Variants in NKIRAS1 observed in about 807,000 individuals in gnomAD.
The protein encoded by NKIRAS1 is NF-kappa-B inhibitor-interacting Ras-like protein 1.
A neutral mutation model predicts 19.8 loss-of-function variants in NKIRAS1; 16 were observed. The observed-to-expected ratio is 0.81, with a 90% confidence interval of 0.55 to 1.23. The LOEUF is 1.23. Ranked by LOEUF, NKIRAS1 falls within the 50% of genes most tolerant of loss-of-function variation. The pLI is 0.00. For missense variants in NKIRAS1, 184 were observed against 220.0 expected, an observed-to-expected ratio of 0.84 and a Z score of 1.04; for synonymous variants, 88 against 79.0, an observed-to-expected ratio of 1.11 and a Z score of -0.61.
In NKIRAS1 at chr3:23,892,964, C is replaced by G. The variant is rs1442591031; in HGVS notation, c.*131G>C. ...TTAACATCTAAAGTGCATTAATTGA[C>G]TTCCTTAGGAATTTTCCTAAGGACC... is the stretch of plus-strand genomic sequence containing the variant. On this transcript the variant is annotated 3_prime_UTR_variant, in exon 5 of 5. Transcript: ENST00000425478. 1 of 888,962 alleles carries G rather than the reference C, an allele frequency of 1.1e-6. No homozygotes were observed. The highest frequency in any genetic ancestry group is 1.7e-5 in the African/African-American group (1 of 58,306). The allele number at this position is 888,962 out of a possible 1,614,324, so 55.1% of individuals were successfully genotyped here.
In NKIRAS1 at chr3:23,897,472, T is replaced by C. The variant is rs556578558; in HGVS notation, c.336+3336A>G. 3.9e-5 allele frequency among the ~76,000 whole-genome samples: 6 copies of C among 152,258 alleles called. No individual in the cohort carries two copies. The South Asian group carries it at 8.3e-4, about 21-fold the overall frequency. Reference sequence around the variant, plus strand: ...AAAACCAAACATGAAAATAAATAAATGCAACTTAAGCCATATCATGTCATT... The same window carrying C: ...AAAACCAAACATGAAAATAAATAAACGCAACTTAAGCCATATCATGTCATT... On this transcript the variant is annotated intron_variant, in intron 4 of 4. Coordinates refer to ENST00000425478, the MANE Select transcript of NKIRAS1 (RefSeq NM_020345.4).
In NKIRAS1 at chr3:23,891,489, G is replaced by GA. The variant is rs1701463213; in HGVS notation, c.*1605dup. Among the ~76,000 whole-genome samples the GA allele has an allele frequency of 6.6e-6, 1 of 152,172 alleles. No individual in the cohort carries two copies. The highest frequency in any genetic ancestry group is 2.1e-4 in the South Asian group (1 of 4,828). On this transcript the variant is annotated 3_prime_UTR_variant, in exon 5 of 5. Transcript: ENST00000425478. ...ACACAGCTGTAGATGAGGTATCCTA[G>GA]AAAAGGTTAAATAATCTACCCCATT...
Position 23,894,038 on chromosome 3 carries a change from ATTG to A in NKIRAS1, c.337-704_337-702del, listed in dbSNP as rs374225969. ...GAGTTCTGTATCCATGAGAACAGGA[ATTG>A]TTGTGTTCACATTATTCACAATACT... On this transcript the variant is annotated intron_variant, in intron 4 of 4. Coordinates refer to ENST00000425478, the MANE Select transcript of NKIRAS1 (RefSeq NM_020345.4). Among the ~76,000 whole-genome samples the A allele has an allele frequency of 9.1e-4, 138 of 152,274 alleles. No individual in the cohort carries two copies. The Middle Eastern group carries it at 0.01, about 11-fold the overall frequency.
intron 1 of NKIRAS1, among the ~76,000 whole-genome samples, chr3:23,939,215 C>T (rs992072475): frequency 1.3e-5 from 2 of 152,138 alleles, no homozygotes; most frequent in East Asian, 1.9e-4. Context: ...GAGAAACTGA[C>T]TCTGGCTAAT....
intron 1 of NKIRAS1, among the ~76,000 whole-genome samples, chr3:23,940,153 G>C (rs962787025): frequency 1.8e-5 from 2 of 112,810 alleles, no homozygotes; most frequent in East Asian, 5.5e-4. Flanking sequence ...AACACAGGAA[G>C]ACTCCCATCT....
chr3:23,901,198 A>G, intron 3 of NKIRAS1, 149 bp from the exon 4 acceptor site: 1 of 756,728 alleles, frequency 1.3e-6, no homozygotes, highest in Non-Finnish European at 2.0e-6. Flanking sequence ...TTTTTTTTTG[A>G]AACAGGGTCC....
In NKIRAS1 at chr3:23,908,982, C is replaced by T. The variant is rs570090944; in HGVS notation, c.94+1829G>A. Among the ~76,000 whole-genome samples the T allele has an allele frequency of 3.3e-5, 5 of 152,068 alleles. No homozygotes were observed. The South Asian group carries it at 1.0e-3, about 32-fold the overall frequency. ...GTGCTGAGATTACCAAGCTGTGAGC[C>T]ATCACGCCTGGCCACGGTTTTAATT... On this transcript the variant is annotated intron_variant, in intron 3 of 4. Transcript: ENST00000425478.
At chr3:23,898,883 G>A (rs1702235842) in intron 4 of NKIRAS1, among the ~76,000 whole-genome samples, 1 of 152,192 alleles carries the variant, frequency 6.6e-6, no homozygotes, top group East Asian at 1.9e-4. Context: ...TCCGCCTCCT[G>A]TCACATCAGT....
intron 3 of NKIRAS1, among the ~76,000 whole-genome samples, chr3:23,905,795 CAAA>C (rs34872852): frequency 3.4e-5 from 4 of 117,702 alleles, no homozygotes; most frequent in Admixed American, 8.6e-5. Context: ...AAATGTGCTC[CAAA>C]AAAAAAAAAA....
chr3:23,909,475 C>T (rs142560985), intron 3 of NKIRAS1, among the ~76,000 whole-genome samples: 5 of 152,204 alleles, frequency 3.3e-5, no homozygotes, highest in East Asian at 3.9e-4. Context: ...TGCAGTGAGC[C>T]GAGATTGCAC....
At chr3:23,932,172 T>C (rs897665732) in intron 1 of NKIRAS1, among the ~76,000 whole-genome samples, 6 of 152,128 alleles carry the variant, frequency 3.9e-5, no homozygotes, top group Non-Finnish European at 8.8e-5. Context: ...TTGCCAGGGG[T>C]GTTTAGAGTC....
chr3:23,919,192 C>G (rs1358191044), upstream of NKIRAS1: 5 of 1,610,298 alleles, frequency 3.1e-6, no homozygotes, highest in East Asian at 8.9e-5. Context: ...TTTTCCTATT[C>G]TAGGAGCGAG....
In NKIRAS1 at chr3:23,890,866, G is replaced by C; in HGVS notation, c.*2229C>G. The C allele has an allele frequency of 3.3e-6, 1 of 303,092 alleles. No homozygotes were observed. The allele number at this position is 303,092 out of a possible 1,614,324, so 18.8% of individuals were successfully genotyped here. A position where few individuals can be genotyped will look rare whatever the true frequency, so the allele number is the denominator to read the frequency against. On this transcript the variant is annotated 3_prime_UTR_variant, in exon 5 of 5. Transcript: ENST00000425478. ...TAGTACAGAAAAGAATGTACATTTA[G>C]ACATTTGGGTTCAGTTGCTTGTAGT...
chr3:23,944,519 G>C (rs1182521372), intron 1 of NKIRAS1, among the ~76,000 whole-genome samples: 1 of 152,094 alleles, frequency 6.6e-6, no homozygotes, highest in Non-Finnish European at 1.5e-5. Flanking sequence ...TTTATGTCTA[G>C]CTTTTTTCTT....
At position 23,934,117 on chromosome 3, in the gene NKIRAS1, T is replaced by C. The variant is rs4241517; in HGVS notation, c.-140+12206A>G. Among the ~76,000 whole-genome samples the C allele has an allele frequency of 8.6e-3, 1,314 of 152,234 alleles. 18 individuals are homozygous for C. Among genetic ancestry groups the C allele is most frequent in the African/African-American group, 0.029 (1,202 of 41,552 alleles). ...AGAGGTTTCTAAATTTAGCTCAAAG[T>C]ATGGCAAAGTAATGAACTGAACTTT... On this transcript the variant is annotated intron_variant, in intron 1 of 4. Coordinates refer to the NKIRAS1 transcript ENST00000421515.
intron 1 of NKIRAS1, among the ~76,000 whole-genome samples, chr3:23,937,019 G>A (rs2125269542): frequency 6.6e-6 from 1 of 152,322 alleles, no homozygotes; most frequent in Non-Finnish European, 1.5e-5. Flanking sequence ...CTGAAGCTGA[G>A]TGAAGAGTTG....
chr3:23,918,416 A>G (rs139041613), upstream of NKIRAS1: 1,591 of 1,607,588 alleles, frequency 9.9e-4, 23 homozygotes, highest in East Asian at 0.024. Flanking sequence ...TAAAATCACT[A>G]ATTTCGTGTG....
intron 3 of NKIRAS1, among the ~76,000 whole-genome samples, chr3:23,910,020 A>C (rs941096873): frequency 3.3e-5 from 5 of 151,888 alleles, no homozygotes; most frequent in African/African-American, 1.2e-4. Context: ...CGCCACACCC[A>C]GCTAATTTTT....
intron 1 of NKIRAS1, among the ~76,000 whole-genome samples, chr3:23,945,810 C>G (rs72627095): frequency 0.14 from 21,438 of 150,454 alleles, 2,180 homozygotes; most frequent in African/African-American, 0.27. Flanking sequence ...GCGCGGCCTG[C>G]CGGCGCCCGG....
Sources: allele counts gnomAD v4.1 joint callset (sites outside exome capture counted in the v4.1 genomes callset), GRCh38; gene constraint gnomAD v4.1.1; transcripts MANE v1.5; gene names NCBI Gene and HGNC (gene_info 2026-07-23, HGNC 2026-07-21).